Variants in CEACAM1 observed in about 807,000 individuals in gnomAD.
The protein encoded by CEACAM1 is cell adhesion molecule CEACAM1.
CEACAM1 carries 31 observed loss-of-function variants against 49.1 expected under a neutral mutation model. That is an observed-to-expected ratio of 0.63 (90% CI 0.47 to 0.85). The LOEUF is 0.85. CEACAM1 is among the 40% of genes least tolerant of loss of function. The pLI is 0.00. For missense variants in CEACAM1, 570 were observed against 645.3 expected (o/e 0.88, Z 1.26); for synonymous variants, 244 against 247.8 (o/e 0.98, Z 0.14).
At chr19:42,516,993 A>G (rs533581901) in intron 5 of CEACAM1, 16 of 261,166 alleles carry the variant, frequency 6.1e-5, no homozygotes, top group South Asian at 5.3e-4. Context: ...AATAGAAACC[A>G]GTGGAATAAA....
At chr19:42,513,915 T>TATATATATATATATATATAA in intron 5 of CEACAM1, among the ~76,000 whole-genome samples, 1 of 129,808 alleles carries the variant, frequency 7.7e-6, no homozygotes, top group African/African-American at 3.7e-5. Context: ...TATATATATA[T>TATATATATATATATATATAA]ATAATATATA....
chr19:42,515,045 G>A (rs1011687175), intron 5 of CEACAM1: 3 of 675,634 alleles, frequency 4.4e-6, no homozygotes, highest in Non-Finnish European at 8.1e-6. Context: ...CAGATGGGAG[G>A]ATTGCTTGAG....
At position 42,507,846 on chromosome 19, in the gene CEACAM1, A is replaced by T. The variant is rs532830249; in HGVS notation, c.*1263T>A. On this transcript the variant is annotated 3_prime_UTR_variant, in exon 9 of 9. Coordinates refer to ENST00000161559, the MANE Select transcript of CEACAM1 (RefSeq NM_001712.5). Reference sequence around the variant, plus strand: ...GGTGCTCCCACTTCTCAAGGACCAAATACACCTTAGCAGAGGCCAAGGTTT... The same window carrying T: ...GGTGCTCCCACTTCTCAAGGACCAATTACACCTTAGCAGAGGCCAAGGTTT... 6.4e-4 allele frequency: 98 copies of T among 152,364 alleles called. No individual in the cohort carries two copies. The highest frequency in any genetic ancestry group is 2.3e-3 in the African/African-American group (96 of 41,580). The allele number at this position is 152,364 out of a possible 1,614,324, so 9.4% of individuals were successfully genotyped here. A position where few individuals can be genotyped will look rare whatever the true frequency, so the allele number is the denominator to read the frequency against.
In CEACAM1 at chr19:42,522,101, A is replaced by G; in HGVS notation, c.526T>C (p.Tyr176His). Residue 176 changes from tyrosine to histidine, a missense_variant, in exon 3 of 9, where the codon TAC becomes CAC. Coordinates refer to ENST00000161559, the MANE Select transcript of CEACAM1 (RefSeq NM_001712.5). ...CTCTGATTGTTTATCCACCACAGGT[A>G]GGTTGTGTCCTGAGTCTCAGGTTCA... ...TCEPETQDTT[Y>H]LWWINNQSLP... 1 of 1,614,200 alleles carries G rather than the reference A, an allele frequency of 6.2e-7. No homozygotes were observed. The highest frequency in any genetic ancestry group is 2.2e-5 in the East Asian group (1 of 44,884).
chr19:42,526,270 T>C (rs1360422401), intron 2 of CEACAM1, among the ~76,000 whole-genome samples: 1 of 152,200 alleles, frequency 6.6e-6, no homozygotes, highest in Non-Finnish European at 1.5e-5. Flanking sequence ...CATCTATTGT[T>C]GTTGGATTCC....
At position 42,510,878 on chromosome 19, in the gene CEACAM1, G is replaced by T; in HGVS notation, c.1461+11C>A. On this transcript the variant is annotated intron_variant, in intron 8 of 8. Coordinates refer to ENST00000161559, the MANE Select transcript of CEACAM1 (RefSeq NM_001712.5). ...TGAGAAAATAAGCCCATGAAAACCG[G>T]CTATGCTTACCTTGTTAGGTGGGTC... The T allele has an allele frequency of 1.2e-6, 2 of 1,610,912 alleles. No individual in the cohort carries two copies. Among genetic ancestry groups the T allele is most frequent in the Non-Finnish European group, 1.7e-6 (2 of 1,177,118 alleles).
chr19:42,524,859 C>T (rs182448811), intron 2 of CEACAM1, among the ~76,000 whole-genome samples: 43 of 152,164 alleles, frequency 2.8e-4, no homozygotes, highest in African/African-American at 6.7e-4. Flanking sequence ...TTCCCACAGC[C>T]GAGCAGCCCC....
chr19:42,526,939 A>G (rs2041905862), intron 2 of CEACAM1, 102 bp downstream of exon 2: 8 of 1,530,124 alleles, frequency 5.2e-6, no homozygotes, highest in Non-Finnish European at 7.0e-6. Context: ...AACATGGGGT[A>G]TAATGCAGAG....
chr19:42,517,160 ACC>A (rs1456561398), intron 5 of CEACAM1, among the ~76,000 whole-genome samples: 1 of 152,238 alleles, frequency 6.6e-6, no homozygotes, highest in African/African-American at 2.4e-5. Context: ...TTTATGTAAC[ACC>A]ATATATAAAA....
rs189897347 is a variant in CEACAM1 at position 42,517,890 on chromosome 19, T to C, written c.1246+1058A>G. 1.2e-4 allele frequency among the ~76,000 whole-genome samples: 19 copies of C among 152,334 alleles called. No homozygotes were observed. The East Asian group carries it at 2.9e-3, about 23-fold the overall frequency. ...GATATTTGTATACCCATGTTTGTAA[T>C]AGCATTATTCATAATAGCCAAAAGG... is the stretch of plus-strand genomic sequence containing the variant. On this transcript the variant is annotated intron_variant, in intron 5 of 8. Transcript: ENST00000161559.
chr19:42,511,196 G>A (rs2041447723), intron 7 of CEACAM1: 3 of 576,522 alleles, frequency 5.2e-6, no homozygotes, highest in Non-Finnish European at 9.3e-6. Flanking sequence ...ATGCTCCAGT[G>A]GCAAGGAGGG....
At position 42,509,144 on chromosome 19, in the gene CEACAM1, T is replaced by C. The variant is rs536765122; in HGVS notation, c.1546A>G (p.Thr516Ala). ...TTTACTTCTGAATAAATTATTTCTG[T>C]GGCTGTTAGGGATGGGGAGGCTGAA... ...PTSASPSLTA[T>A]EIIYSEVKKQ The change falls in exon 9 of 9, where the codon ACA (threonine) becomes GCA (alanine). Residue 516 changes from threonine (T) to alanine (A), a missense_variant. By Grantham distance (58) the Thr-to-Ala change is moderately conservative (BLOSUM62 0). Coordinates refer to ENST00000161559, the MANE Select transcript of CEACAM1 (RefSeq NM_001712.5). The C allele has an allele frequency of 1.2e-6, 2 of 1,614,170 alleles. No individual in the cohort carries two copies. The highest frequency in any genetic ancestry group is 2.7e-5 in the African/African-American group (2 of 75,040).
chr19:42,515,150 C>T (rs1470352758), intron 5 of CEACAM1: 2 of 587,366 alleles, frequency 3.4e-6, no homozygotes, highest in Middle Eastern at 2.8e-4. Context: ...GTAGTATGTA[C>T]TACTTAGGAG....
chr19:42,509,394 C>A (rs772630378), intron 8 of CEACAM1, among the ~76,000 whole-genome samples, 166 bp from the exon 9 acceptor site: 26 of 152,034 alleles, frequency 1.7e-4, no homozygotes, highest in Non-Finnish European at 2.4e-4. Flanking sequence ...GATGAATGAT[C>A]ATTAGAAGAG....
intron 7 of CEACAM1, 166 bp from the exon 8 acceptor site, chr19:42,511,086 A>AG: frequency 1.5e-6 from 1 of 655,228 alleles, no homozygotes; most frequent in Non-Finnish European, 2.7e-6. Flanking sequence ...AGTACCAGAG[A>AG]GGGGGCAGGG....
At chr19:42,521,089 C>G in intron 4 of CEACAM1, 178 bp downstream of exon 4, 1 of 719,448 alleles carries the variant, frequency 1.4e-6, no homozygotes, top group Non-Finnish European at 2.3e-6. Context: ...TGTGAGAAAT[C>G]AGAAAAACAA....
intron 8 of CEACAM1, among the ~76,000 whole-genome samples, chr19:42,510,675 C>T (rs2041435333): frequency 6.6e-6 from 1 of 152,226 alleles, no homozygotes; most frequent in South Asian, 2.1e-4. Flanking sequence ...TACTAAGAGT[C>T]ACATCCAGTA....
intron 1 of CEACAM1, 119 bp downstream of exon 1, chr19:42,528,192 T>C (rs889369082): frequency 2.2e-5 from 17 of 758,834 alleles, no homozygotes; most frequent in African/African-American, 3.5e-5. Context: ...ATGTCCTCTC[T>C]CCTATTTGGC....
intron 5 of CEACAM1, among the ~76,000 whole-genome samples, chr19:42,515,291 G>A (rs1307826497): frequency 6.6e-6 from 1 of 152,080 alleles, no homozygotes; most frequent in South Asian, 2.1e-4. Flanking sequence ...CCAAACCCGT[G>A]CAATACTATG....
Sources: allele counts gnomAD v4.1 joint callset (sites outside exome capture counted in the v4.1 genomes callset), GRCh38; gene constraint gnomAD v4.1.1; transcripts MANE v1.5; gene names NCBI Gene and HGNC (gene_info 2026-07-23, HGNC 2026-07-21).